The following NHSL2 variants were observed in gnomAD, a reference collection of about 807,000 sequenced individuals.
The protein encoded by NHSL2 is NHS like 2, also known as NHS-like protein 2.
NHSL2 carries 27 observed loss-of-function variants against 53.4 expected under a neutral mutation model. That is an observed-to-expected ratio of 0.51 (90% CI 0.37 to 0.70). NHSL2 has a LOEUF of 0.70. NHSL2 is among the 30% of genes least tolerant of loss of function. The pLI is 0.00. For synonymous variants in NHSL2, 408 were observed against 404.1 expected, an observed-to-expected ratio of 1.01 and a Z score of -0.12; for missense variants, 892 against 980.1, an observed-to-expected ratio of 0.91 and a Z score of 1.20.
chrX:72,130,111 G>A (rs778358543), intron 1 of NHSL2: 15 of 1,211,020 alleles, frequency 1.2e-5, no homozygotes, highest in Admixed American at 6.5e-5. Context: ...CTGGGATGAC[G>A]CGTGAACAAA....
At chrX:71,990,295 G>C (rs762994951) in intron 1 of NHSL2, among the ~76,000 whole-genome samples, 12 of 111,463 alleles carry the variant, frequency 1.1e-4, no homozygotes, top group Admixed American at 2.8e-4. Context: ...AGGAAGGAGA[G>C]GCTAATAACA....
chrX:72,127,738 A>G (rs182450813), intron 1 of NHSL2: 2 of 113,030 alleles, frequency 1.8e-5, no homozygotes, highest in Admixed American at 1.9e-4. Flanking sequence ...TTTTCTTTAC[A>G]AAGTTGTTTA....
At chrX:72,049,277 C>T (rs2042326234) in intron 1 of NHSL2, among the ~76,000 whole-genome samples, 1 of 111,663 alleles carries the variant, frequency 9.0e-6, no homozygotes, top group African/African-American at 3.3e-5. Flanking sequence ...CTAGAAAGAA[C>T]CTGGTGGCCC....
At chrX:72,087,577 A>C (rs1488400031) in intron 1 of NHSL2, among the ~76,000 whole-genome samples, 1 of 112,943 alleles carries the variant, frequency 8.9e-6, no homozygotes, top group African/African-American at 3.2e-5. Flanking sequence ...CTGGAATAAG[A>C]TTTAAAAGTT....
chrX:72,030,496 A>G (rs558891329), intron 1 of NHSL2, among the ~76,000 whole-genome samples: 1 of 109,843 alleles, frequency 9.1e-6, no homozygotes, highest in Non-Finnish European at 1.9e-5. Flanking sequence ...GTATATGTAT[A>G]TGTGTGTGTG....
At chrX:71,921,895 T>G (rs2147813945) in intron 1 of NHSL2, among the ~76,000 whole-genome samples, 1 of 112,358 alleles carries the variant, frequency 8.9e-6, no homozygotes, top group South Asian at 3.7e-4. Context: ...TTCATGCAGG[T>G]AGATTATTGT....
rs767870537 is a variant in NHSL2, at chrX:71,985,450, C to T, written c.280+74083C>T. On this transcript the variant is annotated intron_variant, in intron 1 of 7. Transcript: ENST00000633930. Reference sequence around the variant, plus strand: ...AAATAACCAGTTTCTCAAATTGTGTCCTGTTGCAAAAGAAAACAGATTCTT... The same window carrying T: ...AAATAACCAGTTTCTCAAATTGTGTTCTGTTGCAAAAGAAAACAGATTCTT... 1.3e-4 allele frequency among the ~76,000 whole-genome samples: 15 copies of T among 112,297 alleles called. No individual in the cohort carries two copies. The South Asian group carries it at 5.6e-3, about 42-fold the overall frequency.
chrX:71,995,613 C>T (rs1454043581), intron 1 of NHSL2, among the ~76,000 whole-genome samples: 1 of 111,857 alleles, frequency 8.9e-6, no homozygotes, highest in Non-Finnish European at 1.9e-5. Flanking sequence ...CACTTCCTCA[C>T]TTCAGGTCTC....
At chrX:71,957,557 C>T (rs1308210229) in intron 1 of NHSL2, among the ~76,000 whole-genome samples, 1 of 112,058 alleles carries the variant, frequency 8.9e-6, no homozygotes, top group East Asian at 2.8e-4. Context: ...TGAGCCACAA[C>T]AGCTGCATCT....
intron 1 of NHSL2, among the ~76,000 whole-genome samples, chrX:72,002,595 C>T (rs909755566): frequency 9.0e-6 from 1 of 111,428 alleles, no homozygotes; most frequent in African/African-American, 3.3e-5. Context: ...ATAAGGAAAC[C>T]GAGGCTCAGA....
Position 72,145,299 on chromosome X carries a change from A to C in NHSL2, c.*1725A>C, listed in dbSNP as rs934607143. ...CTGGACAGAGCAGCTGAAAAACCACACTAAGTACTGAGAAAACTTGGGCCT... is the reference window on the plus strand; with the variant it reads ...CTGGACAGAGCAGCTGAAAAACCACCCTAAGTACTGAGAAAACTTGGGCCT... On this transcript the variant is annotated 3_prime_UTR_variant, in exon 8 of 8. Coordinates refer to ENST00000633930, the MANE Select transcript of NHSL2 (RefSeq NM_001013627.3). 1 of 111,921 alleles carries C rather than the reference A, an allele frequency of 8.9e-6. No homozygotes were observed. The highest frequency in any genetic ancestry group is 3.3e-5 in the African/African-American group (1 of 30,737). The allele number at this position is 111,921 out of a possible 1,213,427, so 9.2% of individuals were successfully genotyped here.
At chrX:72,028,473 T>A (rs1223519414) in intron 1 of NHSL2, among the ~76,000 whole-genome samples, 1 of 112,087 alleles carries the variant, frequency 8.9e-6, no homozygotes, top group African/African-American at 3.2e-5. Context: ...AAATGCCTAT[T>A]GGTGCCCGTC....
chrX:72,085,217 GCCCAGGCCCTCTCCCCTGTACCA>G (rs1307945414), intron 1 of NHSL2, among the ~76,000 whole-genome samples: 2 of 111,735 alleles, frequency 1.8e-5, no homozygotes, highest in Non-Finnish European at 3.8e-5. Context: ...TGCCTTCATA[GCCCAGGCCCTCTCCCCTGTACCA>G]CCCAGCCCCT....
intron 1 of NHSL2, among the ~76,000 whole-genome samples, chrX:71,993,366 G>A (rs1186527657): frequency 8.9e-6 from 1 of 112,183 alleles, no homozygotes; most frequent in Non-Finnish European, 1.9e-5. Flanking sequence ...ACTGAGATGG[G>A]AGCCATGGAG....
intron 1 of NHSL2, among the ~76,000 whole-genome samples, chrX:71,958,667 C>A (rs2041854231): frequency 1.8e-5 from 2 of 112,231 alleles, no homozygotes; most frequent in Non-Finnish European, 3.8e-5. Flanking sequence ...TAATCCAGCC[C>A]TTTCTCTTCT....
intron 1 of NHSL2, among the ~76,000 whole-genome samples, chrX:72,020,874 G>A (rs1401297192): frequency 8.9e-6 from 1 of 112,748 alleles, no homozygotes; most frequent in African/African-American, 3.2e-5. Flanking sequence ...CAGAAGGTCT[G>A]GAGAAGAACC....
intron 1 of NHSL2, chrX:72,129,416 T>G: frequency 2.2e-5 from 3 of 137,151 alleles, no homozygotes; most frequent in Non-Finnish European, 4.4e-5. Context: ...CAGTGAGGCA[T>G]TGGGTGAAGT....
intron 1 of NHSL2, among the ~76,000 whole-genome samples, chrX:71,987,189 C>T (rs921899587): frequency 3.6e-4 from 40 of 110,052 alleles, no homozygotes; most frequent in Non-Finnish European, 7.6e-5. Flanking sequence ...CCAGCCTGGG[C>T]GACAGAGCGA....
intron 1 of NHSL2, among the ~76,000 whole-genome samples, chrX:71,914,736 T>C (rs905932910): frequency 4.5e-5 from 5 of 111,998 alleles, no homozygotes; most frequent in Admixed American, 3.8e-4. Context: ...TGTAAATCTA[T>C]ACGGAGATGA....
Sources: allele counts gnomAD v4.1 joint callset (sites outside exome capture counted in the v4.1 genomes callset), GRCh38; gene constraint gnomAD v4.1.1; transcripts MANE v1.5; gene names NCBI Gene and HGNC (gene_info 2026-07-23, HGNC 2026-07-21).